The following CEP112 variants were observed in gnomAD, a reference collection of about 807,000 sequenced individuals.
CEP112 encodes the protein centrosomal protein of 112 kDa.
A neutral mutation model predicts 153.0 loss-of-function variants in CEP112; 127 were observed. That is an observed-to-expected ratio of 0.83 (90% CI 0.72 to 0.96). CEP112 has a LOEUF of 0.96. Among genes scored for constraint, CEP112 ranks in the 40% least tolerant of loss-of-function variants. CEP112 has a pLI of 0.00. For synonymous variants in CEP112, 358 were observed against 374.4 expected, an observed-to-expected ratio of 0.96 and a Z score of 0.51; for missense variants, 1,089 against 1,101.2, an observed-to-expected ratio of 0.99 and a Z score of 0.16.
chr17:65,659,904 T>C (rs1213888190), intron 24 of CEP112, among the ~76,000 whole-genome samples: 1 of 152,070 alleles, frequency 6.6e-6, no homozygotes, highest in Non-Finnish European at 1.5e-5. Flanking sequence ...CATTGAAGAA[T>C]GAGTAGGAAC....
At chr17:65,910,187 A>G (rs952408918) in intron 19 of CEP112, among the ~76,000 whole-genome samples, 2 of 152,330 alleles carry the variant, frequency 1.3e-5, no homozygotes, top group Non-Finnish European at 2.9e-5. Context: ...CAGAACTGCA[A>G]CTAAGCTCTT....
At chr17:65,826,581 T>A in intron 21 of CEP112, 1 of 1,263,440 alleles carries the variant, frequency 7.9e-7, no homozygotes, top group Middle Eastern at 3.1e-4. Flanking sequence ...ACCTTCTTTG[T>A]GATTCTGGTC....
intron 8 of CEP112, among the ~76,000 whole-genome samples, chr17:66,091,915 T>G (rs1175543071): frequency 6.6e-6 from 1 of 151,988 alleles, no homozygotes; most frequent in Admixed American, 6.6e-5. Context: ...GTCAACAAAT[T>G]AGATAGCCTA....
chr17:65,816,202 C>G (rs945355713), intron 21 of CEP112, among the ~76,000 whole-genome samples: 10 of 151,842 alleles, frequency 6.6e-5, no homozygotes, highest in African/African-American at 2.2e-4. Context: ...TAAAAATCAC[C>G]CATTAAAATG....
intron 19 of CEP112, among the ~76,000 whole-genome samples, chr17:65,926,115 A>G (rs1004194045): frequency 1.6e-4 from 24 of 152,196 alleles, no homozygotes; most frequent in African/African-American, 5.5e-4. Flanking sequence ...AACCGGTCCT[A>G]ACCTCCCTCT....
chr17:65,906,323 C>T (rs556142539), intron 19 of CEP112, among the ~76,000 whole-genome samples: 16 of 151,978 alleles, frequency 1.1e-4, no homozygotes, highest in Admixed American at 3.3e-4. Flanking sequence ...ATGTAGGTGA[C>T]GGGTTGATGG....
At chr17:66,112,310 A>T (rs2069090975) in intron 6 of CEP112, among the ~76,000 whole-genome samples, 1 of 152,058 alleles carries the variant, frequency 6.6e-6, no homozygotes, top group African/African-American at 2.4e-5. Flanking sequence ...AAAAAAATTA[A>T]AAAAACAATG....
In CEP112 at chr17:66,105,891, T is replaced by C. The variant is rs370924845; in HGVS notation, c.643-9259A>G. Among the ~76,000 whole-genome samples, 276 of 152,326 alleles carry C rather than the reference T, an allele frequency of 1.8e-3. 1 individual carries two copies. The highest frequency in any genetic ancestry group is 3.0e-3 in the Non-Finnish European group (201 of 68,022). ...GGATTATCCACAAGGACAGACTGTA[T>C]GTTAGGCCACAAAATAAGTCTTTAA... On this transcript the variant is annotated intron_variant, in intron 6 of 26. Coordinates refer to ENST00000535342, the MANE Select transcript of CEP112 (RefSeq NM_001199165.4).
chr17:65,696,164 G>A (rs945101951), intron 23 of CEP112, among the ~76,000 whole-genome samples: 44 of 152,310 alleles, frequency 2.9e-4, no homozygotes, highest in Non-Finnish European at 5.4e-4. Context: ...CTTTTAGAGA[G>A]TTTCAAAGCA....
At chr17:66,021,960 T>C (rs1345474139) in intron 16 of CEP112, among the ~76,000 whole-genome samples, 1 of 152,116 alleles carries the variant, frequency 6.6e-6, no homozygotes, top group East Asian at 1.9e-4. Context: ...GGTCTGGAGG[T>C]TGACCTGCAA....
chr17:65,660,280 T>C (rs963572411), intron 24 of CEP112, among the ~76,000 whole-genome samples: 11 of 147,334 alleles, frequency 7.5e-5, no homozygotes, highest in Middle Eastern at 3.2e-3. Flanking sequence ...TTCTCCTTCC[T>C]TCCTTCCTCC....
chr17:66,185,520 C>T (rs773587003), intron 1 of CEP112, among the ~76,000 whole-genome samples: 1 of 152,200 alleles, frequency 6.6e-6, no homozygotes, highest in African/African-American at 2.4e-5. Flanking sequence ...TGCGCCCCGC[C>T]AAATTTAAAC....
At chr17:65,965,406 T>C (rs1363791951) in intron 17 of CEP112, among the ~76,000 whole-genome samples, 1 of 152,152 alleles carries the variant, frequency 6.6e-6, no homozygotes. Flanking sequence ...ACTAATCTAA[T>C]AGTAACACTA....
At chr17:65,652,515 A>T (rs1377328540) in intron 24 of CEP112, among the ~76,000 whole-genome samples, 1 of 152,008 alleles carries the variant, frequency 6.6e-6, no homozygotes, top group East Asian at 1.9e-4. Context: ...CATGAATTAC[A>T]TTTATATATA....
At chr17:65,736,710 T>C (rs761235975) in intron 23 of CEP112, among the ~76,000 whole-genome samples, 2 of 152,182 alleles carry the variant, frequency 1.3e-5, no homozygotes, top group Non-Finnish European at 2.9e-5. Flanking sequence ...TAGATCGTTG[T>C]TCACAGATGT....
At chr17:66,094,799 T>C (rs1319572377) in intron 8 of CEP112, among the ~76,000 whole-genome samples, 2 of 152,044 alleles carry the variant, frequency 1.3e-5, no homozygotes, top group African/African-American at 4.8e-5. Flanking sequence ...AACAACTCAA[T>C]GGTAAGAACA....
At chr17:65,762,167 T>G (rs909905412) in intron 21 of CEP112, among the ~76,000 whole-genome samples, 1 of 152,116 alleles carries the variant, frequency 6.6e-6, no homozygotes, top group Non-Finnish European at 1.5e-5. Flanking sequence ...AATTAAACCC[T>G]TTATCATTAT....
chr17:65,790,455 A>G (rs1431894115), intron 21 of CEP112, among the ~76,000 whole-genome samples: 1 of 152,094 alleles, frequency 6.6e-6, no homozygotes, highest in African/African-American at 2.4e-5. Flanking sequence ...CAGGTGCTGA[A>G]TGTGCAAGCT....
intron 19 of CEP112, among the ~76,000 whole-genome samples, chr17:65,906,581 G>A (rs770926447): frequency 2.0e-5 from 3 of 152,018 alleles, no homozygotes; most frequent in Non-Finnish European, 4.4e-5. Context: ...ATTGTGATGT[G>A]TTATAGTGAA....
Sources: allele counts gnomAD v4.1 joint callset (sites outside exome capture counted in the v4.1 genomes callset), GRCh38; gene constraint gnomAD v4.1.1; transcripts MANE v1.5; gene names NCBI Gene and HGNC (gene_info 2026-07-23, HGNC 2026-07-21).